CTNNA2: variants seen among roughly 807,000 people sequenced by gnomAD.
CTNNA2 encodes catenin alpha 2.
A neutral mutation model predicts 101.0 loss-of-function variants in CTNNA2; 42 were observed. The ratio of observed to expected loss-of-function variants is 0.42; its 90% CI spans 0.32 to 0.54. The LOEUF (loss-of-function observed/expected upper bound fraction) is 0.54. Ranked by LOEUF, CTNNA2 falls within the 20% of genes least tolerant of loss-of-function variation. The pLI is 0.14. For missense variants in CTNNA2, 871 were observed against 1,223.1 expected, an observed-to-expected ratio of 0.71 and a Z score of 4.29; for synonymous variants, 450 against 456.4, an observed-to-expected ratio of 0.99 and a Z score of 0.18.
chr2:79,772,251 A>T (rs576867691), intron 3 of CTNNA2, among the ~76,000 whole-genome samples: 1 of 152,236 alleles, frequency 6.6e-6, no homozygotes, highest in African/African-American at 2.4e-5. Context: ...GTTTGATATT[A>T]AAAAAATTGT....
chr2:79,219,021 T>G (rs1440646400), intron 2 of CTNNA2, among the ~76,000 whole-genome samples: 9 of 152,198 alleles, frequency 5.9e-5, no homozygotes, highest in Non-Finnish European at 1.0e-4. Context: ...TGTGTGTATG[T>G]ATGTATAGTA....
intron 7 of CTNNA2, among the ~76,000 whole-genome samples, chr2:79,941,810 G>T (rs4852546): frequency 0.047 from 7,190 of 151,902 alleles, 236 homozygotes; most frequent in Admixed American, 0.1. Context: ...GTAGAGGTGG[G>T]GTGTCACCAT....
intron 7 of CTNNA2, among the ~76,000 whole-genome samples, chr2:80,063,935 G>C (rs979853911): frequency 6.6e-6 from 1 of 152,106 alleles, no homozygotes; most frequent in African/African-American, 2.4e-5. Flanking sequence ...TGTGGTCTAG[G>C]CTACACTACC....
At chr2:80,391,954 G>C (rs1030210406) in intron 7 of CTNNA2, among the ~76,000 whole-genome samples, 1 of 152,168 alleles carries the variant, frequency 6.6e-6, no homozygotes, top group Non-Finnish European at 1.5e-5. Flanking sequence ...ATATGCCTTG[G>C]TTTGGGCTTT....
At chr2:80,446,167 A>G (rs1683055650) in intron 9 of CTNNA2, among the ~76,000 whole-genome samples, 1 of 152,198 alleles carries the variant, frequency 6.6e-6, no homozygotes. Flanking sequence ...AGAATTCTTA[A>G]TGCACTTAGC....
intron 4 of CTNNA2, among the ~76,000 whole-genome samples, chr2:79,404,874 G>A (rs988122470): frequency 6.6e-6 from 1 of 151,958 alleles, no homozygotes; most frequent in Non-Finnish European, 1.5e-5. Context: ...ATGTGGATAT[G>A]ATTTGTAACT....
At chr2:79,642,640 C>T (rs1680523074) in intron 1 of CTNNA2, among the ~76,000 whole-genome samples, 1 of 152,108 alleles carries the variant, frequency 6.6e-6, no homozygotes, top group Non-Finnish European at 1.5e-5. Flanking sequence ...ATGGTAGCAC[C>T]AGGAAGAGTG....
At chr2:80,071,537 C>T (rs1377753254) in intron 7 of CTNNA2, among the ~76,000 whole-genome samples, 1 of 152,042 alleles carries the variant, frequency 6.6e-6, no homozygotes, top group East Asian at 1.9e-4. Flanking sequence ...TGCTGTGGGC[C>T]CCGTGAGGTG....
At chr2:80,392,503 C>G (rs1161573590) in intron 7 of CTNNA2, among the ~76,000 whole-genome samples, 2 of 151,516 alleles carry the variant, frequency 1.3e-5, no homozygotes, top group African/African-American at 4.8e-5. Context: ...CTGTACCCAC[C>G]AAAAAAAGGA....
chr2:80,580,505 CTTTA>C (rs1160595493), intron 13 of CTNNA2, among the ~76,000 whole-genome samples: 2 of 152,112 alleles, frequency 1.3e-5, no homozygotes, highest in Admixed American at 1.3e-4. Context: ...ACTTCTGGTT[CTTTA>C]TTAACTAATT....
chr2:80,306,634 C>T (rs1677053091), intron 7 of CTNNA2, among the ~76,000 whole-genome samples: 1 of 151,460 alleles, frequency 6.6e-6, no homozygotes, highest in Non-Finnish European at 1.5e-5. Flanking sequence ...CACCTCTTGC[C>T]AAGACAATTA....
chr2:80,283,203 A>G (rs1674519549), intron 7 of CTNNA2, among the ~76,000 whole-genome samples: 2 of 152,100 alleles, frequency 1.3e-5, no homozygotes, highest in African/African-American at 2.4e-5. Context: ...CACTTAAAAG[A>G]CATTATCAAC....
chr2:79,816,648 A>G (rs534392401), intron 3 of CTNNA2, among the ~76,000 whole-genome samples: 1 of 152,314 alleles, frequency 6.6e-6, no homozygotes, highest in East Asian at 1.9e-4. Flanking sequence ...CCTGAAAATC[A>G]AATGTATGTG....
chr2:79,978,684 G>A (rs573999343), intron 7 of CTNNA2, among the ~76,000 whole-genome samples: 1 of 152,212 alleles, frequency 6.6e-6, no homozygotes, highest in Non-Finnish European at 1.5e-5. Context: ...GCTCATAAGT[G>A]CTGTAAGAGC....
intron 7 of CTNNA2, among the ~76,000 whole-genome samples, chr2:80,128,977 G>A (rs539865001): frequency 3.0e-4 from 43 of 143,860 alleles, no homozygotes; most frequent in African/African-American, 7.2e-4. Flanking sequence ...GGGGATATAA[G>A]ACAGCATAAA....
At chr2:79,805,851 T>C (rs1676532474) in intron 3 of CTNNA2, among the ~76,000 whole-genome samples, 1 of 151,452 alleles carries the variant, frequency 6.6e-6, no homozygotes, top group Non-Finnish European at 1.5e-5. Context: ...GGCAGGAGAA[T>C]GGCGTGAACC....
intron 2 of CTNNA2, among the ~76,000 whole-genome samples, chr2:79,277,075 G>A (rs1675230340): frequency 6.6e-6 from 1 of 152,044 alleles, no homozygotes; most frequent in Admixed American, 6.6e-5. Context: ...AGAGAGCCAT[G>A]GAGGAGCTGT....
intron 4 of CTNNA2, among the ~76,000 whole-genome samples, chr2:79,404,854 C>T (rs1486766188): frequency 6.6e-6 from 1 of 152,006 alleles, no homozygotes; most frequent in Non-Finnish European, 1.5e-5. Flanking sequence ...CTAGTATCCC[C>T]TACCCTTGAA....
intron 2 of CTNNA2, among the ~76,000 whole-genome samples, chr2:79,273,314 A>G (rs1167296031): frequency 1.3e-5 from 2 of 152,040 alleles, no homozygotes; most frequent in Non-Finnish European, 2.9e-5. Flanking sequence ...AAAACATTAT[A>G]ATTAATCCTT....
Sources: allele counts gnomAD v4.1 joint callset (sites outside exome capture counted in the v4.1 genomes callset), GRCh38; gene constraint gnomAD v4.1.1; transcripts MANE v1.5; gene names NCBI Gene and HGNC (gene_info 2026-07-23, HGNC 2026-07-21).